ZFHX3: variants seen among roughly 807,000 people sequenced by gnomAD.
ZFHX3 encodes zinc finger homeobox protein 3.
A neutral mutation model predicts 279.1 loss-of-function variants in ZFHX3; 42 were observed. That is an observed-to-expected ratio of 0.15 (90% confidence interval 0.12 to 0.19). ZFHX3 has a LOEUF of 0.19. Ranked by LOEUF, ZFHX3 falls within the 10% of genes least tolerant of loss-of-function variation. ZFHX3 has a pLI of 1.00. For missense variants in ZFHX3, 4,981 were observed against 4,754.0 expected, an observed-to-expected ratio of 1.05 and a Z score of -1.40; for synonymous variants, 2,293 against 1,957.8, an observed-to-expected ratio of 1.17 and a Z score of -4.52.
At position 72,931,447 on chromosome 16, in the gene ZFHX3, ACACACACAC is replaced by A. The variant is rs1210020570; in HGVS notation, c.3216+19013_3216+19021del. On this transcript the variant is annotated intron_variant, in intron 3 of 9. Coordinates refer to ENST00000268489, the MANE Select transcript of ZFHX3 (RefSeq NM_006885.4). ...CACACACACACACACACACACACAC[ACACACACAC>A]TCTTCAGCTTTCAAAAGAGGTCGGG... is the stretch of plus-strand genomic sequence containing the variant. Among the ~76,000 whole-genome samples the A allele has an allele frequency of 4.2e-3, 570 of 134,946 alleles. 4 individuals are homozygous for A. The highest frequency in any genetic ancestry group is 7.0e-3 in the Non-Finnish European group (427 of 60,996). 88.5% of individuals were successfully genotyped at this position (134,946 alleles called of 152,430 possible).
chr16:73,563,179 TGTG>T (rs2020399170), intron 2 of ZFHX3, among the ~76,000 whole-genome samples: 1 of 23,358 alleles, frequency 4.3e-5, no homozygotes, highest in Non-Finnish European at 1.5e-4. Context: ...GTTGTGTGTG[TGTG>T]TGTGTGTGTG....
intron 5 of ZFHX3, among the ~76,000 whole-genome samples, chr16:73,195,449 T>C (rs1316211938): frequency 6.8e-6 from 1 of 147,170 alleles, no homozygotes; most frequent in Non-Finnish European, 1.5e-5. Context: ...GATGGAGTCT[T>C]GCTCTGTCAC....
intron 4 of ZFHX3, among the ~76,000 whole-genome samples, chr16:72,838,384 T>C (rs1785226764): frequency 6.6e-6 from 1 of 152,074 alleles, no homozygotes; most frequent in Admixed American, 6.5e-5. Context: ...GGGCAGAGTA[T>C]GGCCCAGCTC....
At chr16:73,354,406 G>A (rs2016299299) in intron 3 of ZFHX3, among the ~76,000 whole-genome samples, 1 of 152,168 alleles carries the variant, frequency 6.6e-6, no homozygotes, top group Admixed American at 6.5e-5. Context: ...TTAACTGGCT[G>A]CAAATCCAAA....
At chr16:73,162,740 G>T (rs1202576893) in intron 5 of ZFHX3, among the ~76,000 whole-genome samples, 1 of 152,066 alleles carries the variant, frequency 6.6e-6, no homozygotes, top group Non-Finnish European at 1.5e-5. Flanking sequence ...TGGGATTACA[G>T]GCTTAACCAC....
At chr16:72,884,632 G>A (rs1185205159) in intron 4 of ZFHX3, among the ~76,000 whole-genome samples, 2 of 152,200 alleles carry the variant, frequency 1.3e-5, no homozygotes, top group African/African-American at 2.4e-5. Context: ...GAGAAAACAG[G>A]AGGAGGAGAA....
At chr16:73,478,047 C>T (rs1597350727) in intron 2 of ZFHX3, among the ~76,000 whole-genome samples, 2 of 151,870 alleles carry the variant, frequency 1.3e-5, no homozygotes, top group South Asian at 2.1e-4. Flanking sequence ...CCGAGGCGGG[C>T]GGATCACGAG....
intron 1 of ZFHX3, chr16:72,973,523 C>T (rs1962197634): frequency 6.6e-6 from 1 of 152,250 alleles, no homozygotes; most frequent in Non-Finnish European, 1.5e-5. Context: ...TTCCTCAACA[C>T]TCATCCAAAC....
intron 2 of ZFHX3, among the ~76,000 whole-genome samples, chr16:73,540,701 C>T (rs899721493): frequency 6.6e-6 from 1 of 152,194 alleles, no homozygotes; most frequent in Non-Finnish European, 1.5e-5. Context: ...TTGTCCACCA[C>T]CTTCACTGTT....
chr16:72,901,783 CG>C, intron 3 of ZFHX3, among the ~76,000 whole-genome samples: 1 of 152,300 alleles, frequency 6.6e-6, no homozygotes, highest in East Asian at 1.9e-4. Context: ...GTATGCAGAA[CG>C]GACGGCCACG....
At chr16:73,011,609 C>T (rs1303473653) in intron 1 of ZFHX3, among the ~76,000 whole-genome samples, 3 of 151,824 alleles carry the variant, frequency 2.0e-5, no homozygotes, top group Non-Finnish European at 2.9e-5. Flanking sequence ...GGCTTGGTGG[C>T]GCTACTCAGG....
chr16:73,533,656 A>G (rs1198367284), intron 2 of ZFHX3, among the ~76,000 whole-genome samples: 1 of 152,128 alleles, frequency 6.6e-6, no homozygotes, highest in Non-Finnish European at 1.5e-5. Context: ...AGACCTCTGA[A>G]AATCAATTAA....
At chr16:73,855,973 G>A (rs1328684741) in intron 1 of ZFHX3, among the ~76,000 whole-genome samples, 2 of 152,122 alleles carry the variant, frequency 1.3e-5, no homozygotes, top group Non-Finnish European at 2.9e-5. Flanking sequence ...CCAATAAACA[G>A]GGAATTGGTT....
intron 2 of ZFHX3, among the ~76,000 whole-genome samples, chr16:73,598,058 C>T (rs1257567579): frequency 1.3e-5 from 2 of 152,044 alleles, no homozygotes; most frequent in Non-Finnish European, 2.9e-5. Flanking sequence ...AAATGTGATT[C>T]AATATGAGGG....
In ZFHX3 at chr16:73,309,906, C is replaced by CTTTTTTTTT. The variant is rs57812149; in HGVS notation, c.-1194+8325_-1194+8333dup. ...TGCTTTGGGACTCGTTTTTTCTTGC[C>CTTTTTTTTT]TTTTTTTTTTTTTTTTTTTTGAGAT... is the stretch of plus-strand genomic sequence containing the variant. On this transcript the variant is annotated intron_variant, in intron 4 of 17. Transcript: ENST00000641206. Among the ~76,000 whole-genome samples, 9 of 114,428 alleles carry CTTTTTTTTT rather than the reference C, an allele frequency of 7.9e-5. 1 individual carries two copies. The highest frequency in any genetic ancestry group is 3.2e-4 in the South Asian group (1 of 3,090). The allele number at this position is 114,428 out of a possible 152,430, so 75.1% of individuals were successfully genotyped here. A position where few individuals can be genotyped will look rare whatever the true frequency, so the allele number is the denominator to read the frequency against.
chr16:73,757,218 C>A (rs1045612763), intron 1 of ZFHX3, among the ~76,000 whole-genome samples: 14 of 152,252 alleles, frequency 9.2e-5, no homozygotes, highest in Admixed American at 5.9e-4. Flanking sequence ...GACAGAGAAA[C>A]AAAGAGCAGA....
chr16:73,701,848 G>T (rs892065703), intron 1 of ZFHX3, among the ~76,000 whole-genome samples: 6 of 150,736 alleles, frequency 4.0e-5, no homozygotes, highest in Non-Finnish European at 8.8e-5. Context: ...TGCAGATATT[G>T]AAAATATTCT....
chr16:73,164,429 G>C (rs184748811), intron 5 of ZFHX3, among the ~76,000 whole-genome samples: 1 of 152,190 alleles, frequency 6.6e-6, no homozygotes, highest in Non-Finnish European at 1.5e-5. Context: ...GCCGGGCATG[G>C]TGGCTCACAC....
At chr16:73,198,994 C>G (rs1220165063) in intron 5 of ZFHX3, among the ~76,000 whole-genome samples, 1 of 152,178 alleles carries the variant, frequency 6.6e-6, no homozygotes, top group Admixed American at 6.5e-5. Context: ...AATGTGAGCT[C>G]GGGGACTCTC....
Sources: allele counts gnomAD v4.1 joint callset (sites outside exome capture counted in the v4.1 genomes callset), GRCh38; gene constraint gnomAD v4.1.1; transcripts MANE v1.5; gene names NCBI Gene and HGNC (gene_info 2026-07-23, HGNC 2026-07-21).